The following LINC00305 variants were observed in gnomAD, a reference collection of about 807,000 sequenced individuals.
LINC00305 encodes long intergenic non-protein coding RNA 305.
intron 1 of LINC00305, among the ~76,000 whole-genome samples, chr18:64,143,734 C>CACATATTATGCGTACATGTATGTA (rs2051481392): frequency 8.9e-6 from 1 of 112,514 alleles, no homozygotes; most frequent in African/African-American, 3.2e-5. Context: ...ACATGTATGT[C>CACATATTATGCGTACATGTATGTA]CACATATTAT....
In LINC00305 at chr18:64,108,855, G is replaced by C. The variant is rs564386976; in HGVS notation, n.315-10215C>G. On this transcript the variant is annotated intron_variant and non_coding_transcript_variant, in intron 1 of 3. Coordinates refer to ENST00000666468, the Ensembl canonical transcript of LINC00305. ...AGGGTAGAGCCTTGGCAAAGACTGC[G>C]AAGTATTTATACAATGGAGGATGGA... 2.1e-4 allele frequency among the ~76,000 whole-genome samples: 32 copies of C among 152,202 alleles called. 1 individual carries two copies. Among genetic ancestry groups the C allele is most frequent in the Admixed American group, 2.1e-3 (32 of 15,282 alleles).
At chr18:64,133,898 T>G (rs1310936420) in intron 1 of LINC00305, among the ~76,000 whole-genome samples, 1 of 152,214 alleles carries the variant, frequency 6.6e-6, no homozygotes, top group East Asian at 1.9e-4. Context: ...TTTTCCTAAA[T>G]GTCAAAGTAG....
intron 1 of LINC00305, among the ~76,000 whole-genome samples, chr18:64,145,922 A>G (rs994809592): frequency 2.6e-5 from 4 of 152,158 alleles, no homozygotes; most frequent in African/African-American, 7.2e-5. Context: ...GTTTTCGAAA[A>G]TCATTAATTT....
chr18:64,093,977 C>G lies in LINC00305; in HGVS notation n.540+3857G>C, dbSNP rs772577426. 2.0e-5 allele frequency among the ~76,000 whole-genome samples: 3 copies of G among 151,758 alleles called. No individual in the cohort carries two copies. The East Asian group carries it at 5.8e-4, about 29-fold the overall frequency. ...AGAAATAGAAAAGTACCATCAGTTGCGAAAAAAAGGGAAATAGTTTTCCGC... is the reference window on the plus strand; with the variant it reads ...AGAAATAGAAAAGTACCATCAGTTGGGAAAAAAAGGGAAATAGTTTTCCGC... On this transcript the variant is annotated intron_variant and non_coding_transcript_variant, in intron 3 of 3. Transcript: ENST00000666468.
At chr18:64,120,869 C>G (rs1400902335) in intron 1 of LINC00305, among the ~76,000 whole-genome samples, 5 of 152,104 alleles carry the variant, frequency 3.3e-5, no homozygotes, top group Admixed American at 3.3e-4. Flanking sequence ...CGGTACAAAG[C>G]AGACTGTAGA....
At chr18:64,097,754 T>C (rs1037816067) in intron 3 of LINC00305, 4 of 408,728 alleles carry the variant, frequency 9.8e-6, no homozygotes, top group African/African-American at 2.1e-5. Context: ...TCATATTGAA[T>C]ACTAATAAAA....
chr18:64,087,984 G>A (rs377453960), intron 3 of LINC00305, among the ~76,000 whole-genome samples: 13 of 152,008 alleles, frequency 8.6e-5, no homozygotes, highest in African/African-American at 1.4e-4. Context: ...TTAGCCAGGC[G>A]TGGTGGCGGG....
At chr18:64,118,271 C>T (rs763948717) in intron 1 of LINC00305, among the ~76,000 whole-genome samples, 1 of 152,206 alleles carries the variant, frequency 6.6e-6, no homozygotes, top group Middle Eastern at 3.4e-3. Flanking sequence ...GGCTAAAAGT[C>T]TTTCTCAAAA....
At chr18:64,106,718 A>G (rs1235028685) in intron 1 of LINC00305, among the ~76,000 whole-genome samples, 2 of 152,168 alleles carry the variant, frequency 1.3e-5, no homozygotes, top group East Asian at 1.9e-4. Flanking sequence ...AAGTATGATC[A>G]TGATGCTTCC....
chr18:64,080,647 G>T (rs1184884169), intron 3 of LINC00305, among the ~76,000 whole-genome samples: 2 of 152,114 alleles, frequency 1.3e-5, no homozygotes, highest in African/African-American at 2.4e-5. Flanking sequence ...TACATTAATT[G>T]GAGCTAGGTT....
chr18:64,120,544 G>C (rs891337195), intron 1 of LINC00305, among the ~76,000 whole-genome samples: 65 of 147,416 alleles, frequency 4.4e-4, no homozygotes, highest in Non-Finnish European at 9.1e-4. Flanking sequence ...ATTTGTTTTG[G>C]CGCTAACTTT....
chr18:64,147,027 A>G (rs2051501446), intron 1 of LINC00305, among the ~76,000 whole-genome samples: 1 of 152,222 alleles, frequency 6.6e-6, no homozygotes, highest in East Asian at 1.9e-4. Flanking sequence ...TTCTTCTTCA[A>G]AAAGTACACA....
At chr18:64,137,826 A>G (rs1203435076) in intron 1 of LINC00305, among the ~76,000 whole-genome samples, 1 of 150,642 alleles carries the variant, frequency 6.6e-6, no homozygotes, top group Non-Finnish European at 1.5e-5. Context: ...AACACAAGCC[A>G]TTAAATAATA....
At chr18:64,080,453 C>G in intron 3 of LINC00305, 1 of 353,778 alleles carries the variant, frequency 2.8e-6, no homozygotes, top group South Asian at 2.2e-5. Flanking sequence ...AGAGTTTAAA[C>G]TTGATCAAAT....
At chr18:64,104,389 A>C (rs1255263092) in intron 1 of LINC00305, among the ~76,000 whole-genome samples, 1 of 152,214 alleles carries the variant, frequency 6.6e-6, no homozygotes, top group Admixed American at 6.5e-5. Context: ...ACTTCAGCTT[A>C]ATTTTGAGGC....
At chr18:64,106,868 G>A (rs887742239) in intron 1 of LINC00305, among the ~76,000 whole-genome samples, 1 of 152,182 alleles carries the variant, frequency 6.6e-6, no homozygotes, top group Non-Finnish European at 1.5e-5. Context: ...CTTGCCAGCT[G>A]CATTGTTTAT....
At chr18:64,124,664 A>G (rs2051377216) in intron 1 of LINC00305, among the ~76,000 whole-genome samples, 1 of 152,162 alleles carries the variant, frequency 6.6e-6, no homozygotes, top group Non-Finnish European at 1.5e-5. Context: ...AATCTTATTA[A>G]TCATTTAATA....
chr18:64,136,748 G>T (rs1263158068), intron 1 of LINC00305, among the ~76,000 whole-genome samples: 1 of 152,178 alleles, frequency 6.6e-6, no homozygotes, highest in Non-Finnish European at 1.5e-5. Flanking sequence ...CAAGTTGGGA[G>T]CTTAGGAGCC....
At chr18:64,145,800 T>A (rs1292484731) in intron 1 of LINC00305, among the ~76,000 whole-genome samples, 1 of 152,196 alleles carries the variant, frequency 6.6e-6, no homozygotes, top group Non-Finnish European at 1.5e-5. Flanking sequence ...TAATGAAGTC[T>A]CTGGGTTTTT....
Sources: allele counts gnomAD v4.1 joint callset (sites outside exome capture counted in the v4.1 genomes callset), GRCh38; gene constraint gnomAD v4.1.1; transcripts MANE v1.5; gene names NCBI Gene and HGNC (gene_info 2026-07-23, HGNC 2026-07-21).